C1QTNF7: variants seen among roughly 807,000 people sequenced by gnomAD.
C1QTNF7 encodes complement C1q tumor necrosis factor-related protein 7.
A neutral mutation model predicts 19.6 loss-of-function variants in C1QTNF7; 15 were observed. That is an observed-to-expected ratio of 0.76 (90% CI 0.51 to 1.18). The LOEUF is 1.18. Ranked by LOEUF, C1QTNF7 falls within the 50% of genes most tolerant of loss-of-function variation. The probability of loss-of-function intolerance (pLI) is 0.00; values close to 1 mark genes in which losing one functional copy is unlikely to be tolerated. For synonymous variants in C1QTNF7, 142 were observed against 137.5 expected, an observed-to-expected ratio of 1.03 and a Z score of -0.23; for missense variants, 324 against 359.7, an observed-to-expected ratio of 0.90 and a Z score of 0.80.
At chr4:15,439,976 CTT>C (rs1577285521) in intron 2 of C1QTNF7, among the ~76,000 whole-genome samples, 2 of 150,598 alleles carry the variant, frequency 1.3e-5, no homozygotes, top group African/African-American at 2.4e-5. Context: ...AAATCAATGT[CTT>C]ATATAGATTT....
intron 1 of C1QTNF7, among the ~76,000 whole-genome samples, chr4:15,352,219 T>G (rs955230327): frequency 6.6e-6 from 1 of 152,198 alleles, no homozygotes; most frequent in Non-Finnish European, 1.5e-5. Flanking sequence ...GTGTCCAATA[T>G]GTCATTTAAA....
chr4:15,439,510 C>G (rs1202917824), intron 2 of C1QTNF7, among the ~76,000 whole-genome samples: 1 of 152,280 alleles, frequency 6.6e-6, no homozygotes, highest in Admixed American at 6.5e-5. Context: ...GGTTTTATCC[C>G]AGGTCTGTTT....
intron 1 of C1QTNF7, among the ~76,000 whole-genome samples, chr4:15,363,029 C>T (rs554928911): frequency 5.1e-4 from 77 of 152,196 alleles, no homozygotes; most frequent in Non-Finnish European, 9.3e-4. Flanking sequence ...ACCTGGGTTC[C>T]CTGCCTTGAA....
At chr4:15,417,411 T>G (rs1413844257) in intron 1 of C1QTNF7, among the ~76,000 whole-genome samples, 1 of 152,254 alleles carries the variant, frequency 6.6e-6, no homozygotes, top group Non-Finnish European at 1.5e-5. Context: ...AAATGACTCA[T>G]GAAACATGTG....
At chr4:15,401,593 A>G (rs544458546) in intron 1 of C1QTNF7, among the ~76,000 whole-genome samples, 13 of 152,374 alleles carry the variant, frequency 8.5e-5, no homozygotes, top group African/African-American at 2.4e-4. Context: ...ACAAAATTAC[A>G]TACATCATAA....
chr4:15,414,031 G>T lies in C1QTNF7; in HGVS notation c.14-21705G>T, dbSNP rs998976935. Among the ~76,000 whole-genome samples the T allele has an allele frequency of 4.6e-5, 7 of 152,190 alleles. No individual in the cohort carries two copies. In the East Asian group the frequency reaches 1.4e-3, roughly 29 times the overall value. On this transcript the variant is annotated intron_variant, in intron 1 of 2. Transcript: ENST00000295297. Reference sequence around the variant, plus strand: ...CAGGTATAATGGGCACTATCTTTTTGATTCACACTTAGACCTCAAGCGTTC... The same window carrying T: ...CAGGTATAATGGGCACTATCTTTTTTATTCACACTTAGACCTCAAGCGTTC...
At chr4:15,364,626 T>C (rs1287017922) in intron 1 of C1QTNF7, among the ~76,000 whole-genome samples, 3 of 152,204 alleles carry the variant, frequency 2.0e-5, no homozygotes, top group African/African-American at 7.2e-5. Context: ...AATCCTGAAT[T>C]GTAATAACTT....
chr4:15,363,071 T>G (rs756824248), intron 1 of C1QTNF7, among the ~76,000 whole-genome samples: 2 of 152,156 alleles, frequency 1.3e-5, no homozygotes, highest in Non-Finnish European at 2.9e-5. Flanking sequence ...CAAACTTCAT[T>G]GATAACATGA....
intron 1 of C1QTNF7, among the ~76,000 whole-genome samples, chr4:15,343,619 C>T (rs1215089924): frequency 7.2e-5 from 11 of 152,030 alleles, no homozygotes. Flanking sequence ...CAATGAGCTA[C>T]CAATTGAATG....
chr4:15,401,582 T>C (rs2108907925), intron 1 of C1QTNF7, among the ~76,000 whole-genome samples: 1 of 152,236 alleles, frequency 6.6e-6, no homozygotes, highest in African/African-American at 2.4e-5. Flanking sequence ...AGAAGGCAGA[T>C]ACAAAATTAC....
chr4:15,379,946 G>A (rs181493491), intron 1 of C1QTNF7, among the ~76,000 whole-genome samples: 12 of 152,272 alleles, frequency 7.9e-5, no homozygotes, highest in Admixed American at 4.6e-4. Context: ...CCCTAACCCA[G>A]GCCGATTACG....
chr4:15,343,727 C>A (rs1444946343), intron 1 of C1QTNF7, among the ~76,000 whole-genome samples: 1 of 152,164 alleles, frequency 6.6e-6, no homozygotes, highest in Admixed American at 6.5e-5. Flanking sequence ...TCAAAGAAGA[C>A]AAGACCACAG....
At chr4:15,340,466 C>A (rs865954720) in intron 1 of C1QTNF7, among the ~76,000 whole-genome samples, 1 of 152,084 alleles carries the variant, frequency 6.6e-6, no homozygotes. Context: ...AAAATGTAAG[C>A]GGAGTCTTCA....
intron 1 of C1QTNF7, among the ~76,000 whole-genome samples, chr4:15,403,978 T>A (rs1441887599): frequency 6.6e-6 from 1 of 152,150 alleles, no homozygotes; most frequent in East Asian, 1.9e-4. Flanking sequence ...CCTCCTAGAG[T>A]ACTTTTCTAT....
chr4:15,364,741 T>C (rs1249553189), intron 1 of C1QTNF7, among the ~76,000 whole-genome samples: 4 of 152,150 alleles, frequency 2.6e-5, no homozygotes, highest in Non-Finnish European at 4.4e-5. Flanking sequence ...AGAAAAAATA[T>C]ATTTCCTGGG....
intron 1 of C1QTNF7, among the ~76,000 whole-genome samples, chr4:15,415,200 A>G (rs3822296): frequency 0.37 from 55,838 of 152,086 alleles, 10,461 homozygotes; most frequent in East Asian, 0.55. Context: ...GAGAATTCAG[A>G]TCATTAACCA....
chr4:15,354,597 T>G (rs1717063444), intron 1 of C1QTNF7, among the ~76,000 whole-genome samples: 1 of 152,046 alleles, frequency 6.6e-6, no homozygotes, highest in African/African-American at 2.4e-5. Flanking sequence ...AGGCTGCCTG[T>G]GCTCTGCCCA....
intron 1 of C1QTNF7, among the ~76,000 whole-genome samples, chr4:15,411,894 G>A (rs1238905048): frequency 8.3e-5 from 5 of 60,590 alleles, no homozygotes; most frequent in Non-Finnish European, 1.8e-4. Flanking sequence ...ACCACGCACC[G>A]GTACTGGTGC....
intron 1 of C1QTNF7, among the ~76,000 whole-genome samples, chr4:15,387,614 A>G (rs773368309): frequency 6.6e-5 from 10 of 152,178 alleles, no homozygotes; most frequent in South Asian, 4.1e-4. Flanking sequence ...CAGAAGCCTG[A>G]TGGGGTGGCT....
Sources: gnomAD v4.1 joint callset for allele counts (sites outside exome capture counted in the v4.1 genomes callset) on GRCh38, gnomAD v4.1.1 for gene constraint, MANE v1.5 for transcripts, NCBI Gene and HGNC (gene_info 2026-07-23, HGNC 2026-07-21) for gene names.